CA2: variants seen among roughly 807,000 people sequenced by gnomAD.
The protein encoded by CA2 is carbonate dehydratase II.
Under a neutral mutation model 27.8 loss-of-function variants are expected in CA2, and 23 were observed. That is an observed-to-expected ratio of 0.83 (90% CI 0.59 to 1.17). The LOEUF is 1.17. Among genes scored for constraint, CA2 ranks in the 50% most tolerant of loss-of-function variants. The pLI is 0.00. For missense variants in CA2, 300 were observed against 314.7 expected, an observed-to-expected ratio of 0.95 and a Z score of 0.35; for synonymous variants, 99 against 114.9, an observed-to-expected ratio of 0.86 and a Z score of 0.88.
rs1478698457 is a variant in CA2 at position 85,464,042 on chromosome 8, C to G, written c.-40C>G. 1.9e-6 allele frequency: 3 copies of G among 1,540,048 alleles called. No homozygotes were observed. The highest frequency in any genetic ancestry group is 1.2e-5 in the South Asian group (1 of 83,972). ...GGCGCCCAAGCCGCCGCCGCCAGATCGGTGCCGATTCCTGCCCTGCCCCGA... is the reference window on the plus strand; with the variant it reads ...GGCGCCCAAGCCGCCGCCGCCAGATGGGTGCCGATTCCTGCCCTGCCCCGA... On this transcript the variant is annotated 5_prime_UTR_variant, in exon 1 of 7. The change creates a new upstream start codon in the 5' untranslated region. Transcript: ENST00000285379.
intron 6 of CA2, among the ~76,000 whole-genome samples, chr8:85,480,272 T>G (rs796176679): frequency 1.4e-4 from 22 of 152,302 alleles, no homozygotes; most frequent in Middle Eastern, 3.4e-3. Context: ...TTGTTTCTGT[T>G]TTTTGAGGCA....
At chr8:85,466,949 C>A (rs1457820515) in intron 2 of CA2, among the ~76,000 whole-genome samples, 1 of 152,198 alleles carries the variant, frequency 6.6e-6, no homozygotes, top group Non-Finnish European at 1.5e-5. Flanking sequence ...AATACTATAA[C>A]ATTTCACGTC....
At position 85,481,144 on chromosome 8, in the gene CA2, T is replaced by C; in HGVS notation, c.*355T>C. 1 of 275,630 alleles carries C rather than the reference T, an allele frequency of 3.6e-6. No homozygotes were observed. The highest frequency in any genetic ancestry group is 7.1e-6 in the Non-Finnish European group (1 of 140,980). The allele number at this position is 275,630 out of a possible 1,614,324, so 17.1% of individuals were successfully genotyped here. A position where few individuals can be genotyped will look rare whatever the true frequency, so the allele number is the denominator to read the frequency against. On this transcript the variant is annotated 3_prime_UTR_variant, in exon 7 of 7. Transcript: ENST00000285379. ...TTTAAAACATAGGAAAGTAGAATGGTTGAGTGCAAATCCATAGCACAAGAT... is the reference window on the plus strand; with the variant it reads ...TTTAAAACATAGGAAAGTAGAATGGCTGAGTGCAAATCCATAGCACAAGAT...
intron 2 of CA2, among the ~76,000 whole-genome samples, chr8:85,470,227 A>G (rs1284385163): frequency 1.3e-5 from 2 of 152,196 alleles, no homozygotes; most frequent in South Asian, 2.1e-4. Flanking sequence ...CAAATGGAAT[A>G]CGTGTATTTT....
intron 2 of CA2, among the ~76,000 whole-genome samples, chr8:85,472,252 A>G (rs1390847829): frequency 6.6e-6 from 1 of 152,256 alleles, no homozygotes; most frequent in Non-Finnish European, 1.5e-5. Context: ...AGTAAAGCTA[A>G]TAAAATACAC....
intron 6 of CA2, among the ~76,000 whole-genome samples, chr8:85,477,964 T>C (rs1004390437): frequency 6.6e-6 from 1 of 152,234 alleles, no homozygotes; most frequent in Non-Finnish European, 1.5e-5. Context: ...TCCTGAATAA[T>C]TTAAGGATAG....
chr8:85,480,790 G>A lies in CA2; in HGVS notation c.*1G>A. The stretch of plus-strand genomic sequence containing the variant: ...GCAAATCAAAGCTTCCTTCAAATAA[G>A]ATGGTCCCATAGTCTGTATCCAAAT... On this transcript the variant is annotated 3_prime_UTR_variant, in exon 7 of 7. Coordinates refer to ENST00000285379, the MANE Select transcript of CA2 (RefSeq NM_000067.3). 2 of 1,613,658 alleles carry A rather than the reference G, an allele frequency of 1.2e-6. No individual in the cohort carries two copies. The highest frequency in any genetic ancestry group is 1.7e-6 in the Non-Finnish European group (2 of 1,179,752).
chr8:85,480,550 T>C (rs1811873825), intron 6 of CA2, 120 bp from the exon 7 acceptor site: 4 of 961,430 alleles, frequency 4.2e-6, no homozygotes, highest in Admixed American at 2.0e-5. Context: ...TACAAAGTGC[T>C]GGGATTACAG....
chr8:85,474,107 CATTT>C (rs1811750986), intron 3 of CA2: 1 of 612,638 alleles, frequency 1.6e-6, no homozygotes, highest in Non-Finnish European at 2.9e-6. Flanking sequence ...CAAAACTGTA[CATTT>C]ATTTGTCTTA....
chr8:85,479,347 T>G (rs967234048), intron 6 of CA2, among the ~76,000 whole-genome samples: 4 of 152,206 alleles, frequency 2.6e-5, no homozygotes, highest in Non-Finnish European at 5.9e-5. Flanking sequence ...GGAATTCTGT[T>G]GTAACGAATC....
chr8:85,477,776 G>A (rs989027310), intron 6 of CA2, among the ~76,000 whole-genome samples: 7 of 152,280 alleles, frequency 4.6e-5, no homozygotes, highest in Non-Finnish European at 1.0e-4. Context: ...GCTTAGAGCA[G>A]GTATTCTTAC....
At chr8:85,466,140 AAAAAG>A (rs1433239022) in intron 2 of CA2, among the ~76,000 whole-genome samples, 3 of 150,662 alleles carry the variant, frequency 2.0e-5, no homozygotes, top group Non-Finnish European at 4.4e-5. Flanking sequence ...AAAAAAAAAA[AAAAAG>A]AAAGAGAAAG....
At chr8:85,465,125 A>G in intron 1 of CA2, 147 bp from the exon 2 acceptor site, 1 of 629,988 alleles carries the variant, frequency 1.6e-6, no homozygotes, top group African/African-American at 1.8e-5. Flanking sequence ...GGCACAGATT[A>G]CGTGTTTTCC....
At chr8:85,465,655 TC>T (rs1811618599) in intron 2 of CA2, among the ~76,000 whole-genome samples, 186 bp downstream of exon 2, 1 of 152,180 alleles carries the variant, frequency 6.6e-6, no homozygotes. Context: ...GTTTGAAGTG[TC>T]CCGGGGCCGT....
chr8:85,473,240 G>A (rs1307825566), intron 2 of CA2: 2 of 337,034 alleles, frequency 5.9e-6, no homozygotes, highest in African/African-American at 4.3e-5. Context: ...CTTGGTGGAA[G>A]AGAGGGTCTC....
intron 6 of CA2, among the ~76,000 whole-genome samples, chr8:85,479,227 T>C (rs1015829610): frequency 3.3e-5 from 5 of 152,252 alleles, no homozygotes; most frequent in Non-Finnish European, 7.3e-5. Context: ...AGTTGACTAA[T>C]GTGACAGTGT....
chr8:85,471,185 C>G (rs1811708646), intron 2 of CA2, among the ~76,000 whole-genome samples: 1 of 152,108 alleles, frequency 6.6e-6, no homozygotes, highest in African/African-American at 2.4e-5. Context: ...ACTTCATTGA[C>G]TAAACTCCAT....
At chr8:85,477,544 C>T (rs1461558723) in intron 6 of CA2, among the ~76,000 whole-genome samples, 11 of 146,484 alleles carry the variant, frequency 7.5e-5, no homozygotes, top group Admixed American at 1.4e-4. Context: ...TAATAAATGC[C>T]TTTTTTTTTT....
intron 2 of CA2, among the ~76,000 whole-genome samples, chr8:85,469,885 G>A (rs762709492): frequency 2.6e-5 from 4 of 152,262 alleles, no homozygotes; most frequent in East Asian, 1.9e-4. Context: ...TCTGTATGAC[G>A]TAATGGATCT....
Sources: allele counts gnomAD v4.1 joint callset (sites outside exome capture counted in the v4.1 genomes callset), GRCh38; gene constraint gnomAD v4.1.1; transcripts MANE v1.5; gene names NCBI Gene and HGNC (gene_info 2026-07-23, HGNC 2026-07-21).